Variants in VKORC1L1 observed in about 807,000 individuals in gnomAD.
The protein encoded by VKORC1L1 is vitamin K epoxide reductase complex subunit 1L1.
Under a neutral mutation model 18.9 loss-of-function variants are expected in VKORC1L1, and 2 were observed. That is an observed-to-expected ratio of 0.11 (90% CI 0.04 to 0.33). The LOEUF (loss-of-function observed/expected upper bound fraction) is 0.33, where lower values mean the gene tolerates loss of function less well. Ranked by LOEUF, VKORC1L1 falls within the 10% of genes least tolerant of loss-of-function variation. VKORC1L1 has a pLI of 1.00. For missense variants in VKORC1L1, 123 were observed against 224.1 expected, an observed-to-expected ratio of 0.55 and a Z score of 2.88; for synonymous variants, 96 against 100.0, an observed-to-expected ratio of 0.96 and a Z score of 0.24.
upstream of VKORC1L1, among the ~76,000 whole-genome samples, chr7:65,870,411 C>A (rs1027966033): frequency 1.3e-5 from 2 of 151,934 alleles, no homozygotes; most frequent in African/African-American, 4.8e-5. Context: ...GCCTGGGCAA[C>A]AAGAGCAAAA....
chr7:65,913,654 A>G (rs1789539208), intron 1 of VKORC1L1, among the ~76,000 whole-genome samples: 1 of 142,056 alleles, frequency 7.0e-6, no homozygotes, highest in African/African-American at 2.6e-5. Flanking sequence ...TAAACCTGGG[A>G]GGTTGGAGGT....
intron 1 of VKORC1L1, among the ~76,000 whole-genome samples, chr7:65,908,052 A>G (rs1789435134): frequency 6.6e-6 from 1 of 152,202 alleles, no homozygotes; most frequent in South Asian, 2.1e-4. Flanking sequence ...TGCTCTGCTC[A>G]TGAATATTGA....
chr7:65,956,439 A>G lies in VKORC1L1; in HGVS notation c.*2139A>G, dbSNP rs988720162. 6.6e-6 allele frequency: 1 copy of G among 152,216 alleles called. No individual in the cohort carries two copies. Among genetic ancestry groups the G allele is most frequent in the Non-Finnish European group, 1.5e-5 (1 of 68,040 alleles). The allele number at this position is 152,216 out of a possible 1,614,324, so 9.4% of individuals were successfully genotyped here. The stretch of plus-strand genomic sequence containing the variant: ...CTTGTCTTGATGTTGCATTCTTGCA[A>G]ATGTCTTCAACTCTTACCTGAGAAA... On this transcript the variant is annotated 3_prime_UTR_variant, in exon 3 of 3. Coordinates refer to ENST00000360768, the MANE Select transcript of VKORC1L1 (RefSeq NM_173517.6).
At chr7:65,943,319 G>C (rs962746835) in intron 1 of VKORC1L1, among the ~76,000 whole-genome samples, 5 of 152,182 alleles carry the variant, frequency 3.3e-5, no homozygotes, top group African/African-American at 9.7e-5. Context: ...AGAGAAACCA[G>C]TAAAATGAGT....
At chr7:65,897,443 A>G (rs1482059333) in intron 1 of VKORC1L1, among the ~76,000 whole-genome samples, 4 of 152,258 alleles carry the variant, frequency 2.6e-5, no homozygotes, top group Non-Finnish European at 5.9e-5. Context: ...AAGAATGCAC[A>G]TACCTTGTGT....
At chr7:65,935,172 C>T (rs1789921583) in intron 1 of VKORC1L1, among the ~76,000 whole-genome samples, 1 of 152,010 alleles carries the variant, frequency 6.6e-6, no homozygotes, top group East Asian at 1.9e-4. Flanking sequence ...TCTCATAGTG[C>T]CAGTCTGCTG....
intron 1 of VKORC1L1, among the ~76,000 whole-genome samples, chr7:65,903,107 C>T (rs1431304810): frequency 6.6e-6 from 1 of 151,422 alleles, no homozygotes; most frequent in Non-Finnish European, 1.5e-5. Flanking sequence ...CTCAGGTGAT[C>T]TGCCCACCTC....
chr7:65,873,260 T>TGCGGC lies in VKORC1L1; in HGVS notation c.-111_-110insCGGCG. On this transcript the variant is annotated 5_prime_UTR_variant, in exon 1 of 3. Transcript: ENST00000360768. ...GGCGCGGCGGCGGCGGCGGCGGTGGTGGCGGCGGCGGCGGAGGCGGCGGTG... is the reference window on the plus strand; with the variant it reads ...GGCGCGGCGGCGGCGGCGGCGGTGGTGCGGCGGCGGCGGCGGCGGAGGCGGCGGTG... The TGCGGC allele has an allele frequency of 1.1e-6, 1 of 916,454 alleles. No homozygotes were observed. Among genetic ancestry groups the TGCGGC allele is most frequent in the East Asian group, 1.3e-4 (1 of 7,730 alleles). 56.8% of individuals were successfully genotyped at this position (916,454 alleles called of 1,614,324 possible).
intron 1 of VKORC1L1, among the ~76,000 whole-genome samples, chr7:65,887,818 T>A (rs1562983666): frequency 2.0e-5 from 3 of 152,220 alleles, no homozygotes; most frequent in Non-Finnish European, 4.4e-5. Flanking sequence ...TTGTTTTTTT[T>A]CCTGTCATTT....
chr7:65,884,517 G>T (rs1292334370), intron 1 of VKORC1L1, among the ~76,000 whole-genome samples: 2 of 152,058 alleles, frequency 1.3e-5, no homozygotes, highest in Non-Finnish European at 2.9e-5. Flanking sequence ...CACACTGATG[G>T]TCCCAGCTAC....
At position 65,949,965 on chromosome 7, in the gene VKORC1L1, T is replaced by C. The variant is rs373913389; in HGVS notation, c.304+1185T>C. On this transcript the variant is annotated intron_variant, in intron 2 of 2. Coordinates refer to ENST00000360768, the MANE Select transcript of VKORC1L1 (RefSeq NM_173517.6). The stretch of plus-strand genomic sequence containing the variant: ...TCTCCACAAAATAAATTTCCAAGCA[T>C]AGTATCAAAAAACACAGATATTTTC... Among the ~76,000 whole-genome samples the C allele has an allele frequency of 2.0e-5, 3 of 152,290 alleles. No individual in the cohort carries two copies. The East Asian group carries it at 5.8e-4, about 29-fold the overall frequency.
intron 1 of VKORC1L1, among the ~76,000 whole-genome samples, chr7:65,900,865 A>G (rs765716687): frequency 4.6e-5 from 7 of 152,266 alleles, no homozygotes; most frequent in African/African-American, 1.4e-4. Context: ...TGTAATAGAA[A>G]TTATATTTTG....
chr7:65,914,813 G>A (rs55876148), intron 1 of VKORC1L1, among the ~76,000 whole-genome samples: 16,913 of 152,148 alleles, frequency 0.11, 1,094 homozygotes, highest in Middle Eastern at 0.2. Flanking sequence ...AGACCAGCCC[G>A]GGTAACATGG....
intron 1 of VKORC1L1, among the ~76,000 whole-genome samples, chr7:65,947,895 T>A (rs1205772539): frequency 6.6e-6 from 1 of 152,156 alleles, no homozygotes; most frequent in Non-Finnish European, 1.5e-5. Flanking sequence ...TTCACCATGC[T>A]GGCCAGCCTG....
chr7:65,887,913 C>G (rs991794393), intron 1 of VKORC1L1, among the ~76,000 whole-genome samples: 1 of 151,920 alleles, frequency 6.6e-6, no homozygotes, highest in Non-Finnish European at 1.5e-5. Context: ...ATTTGCTGTT[C>G]TGTCAGTTTA....
At chr7:65,898,477 A>G (rs1414959334) in intron 1 of VKORC1L1, among the ~76,000 whole-genome samples, 1 of 152,198 alleles carries the variant, frequency 6.6e-6, no homozygotes, top group African/African-American at 2.4e-5. Flanking sequence ...AAAGTGCATG[A>G]ACAGTATGTG....
intron 1 of VKORC1L1, among the ~76,000 whole-genome samples, chr7:65,888,206 A>G (rs960659624): frequency 4.6e-5 from 7 of 152,174 alleles, no homozygotes; most frequent in African/African-American, 9.7e-5. Flanking sequence ...TCTGCAATCT[A>G]TAGTCACTGT....
intron 1 of VKORC1L1, among the ~76,000 whole-genome samples, chr7:65,876,321 G>A (rs1372340163): frequency 6.6e-6 from 1 of 152,032 alleles, no homozygotes; most frequent in Non-Finnish European, 1.5e-5. Context: ...TGGCCAACAT[G>A]CTGAAACCCC....
chr7:65,885,547 T>C (rs1788997317), intron 1 of VKORC1L1, among the ~76,000 whole-genome samples: 1 of 152,152 alleles, frequency 6.6e-6, no homozygotes, highest in Admixed American at 6.5e-5. Flanking sequence ...AAAATTTTTT[T>C]CACACTGAGC....
Sources: allele counts gnomAD v4.1 joint callset (sites outside exome capture counted in the v4.1 genomes callset), GRCh38; gene constraint gnomAD v4.1.1; transcripts MANE v1.5; gene names NCBI Gene and HGNC (gene_info 2026-07-23, HGNC 2026-07-21).